The following SLC4A7 variants were observed in gnomAD, a reference collection of about 807,000 sequenced individuals.
The protein encoded by SLC4A7 is solute carrier family 4 member 7.
A neutral mutation model predicts 137.6 loss-of-function variants in SLC4A7; 51 were observed. The ratio of observed to expected loss-of-function variants is 0.37; its 90% CI spans 0.30 to 0.47. The LOEUF (loss-of-function observed/expected upper bound fraction) is 0.47, where lower values mean the gene tolerates loss of function less well. Ranked by LOEUF, SLC4A7 falls within the 20% of genes least tolerant of loss-of-function variation. The pLI, the probability that SLC4A7 is intolerant of heterozygous loss-of-function variation, is 1.00. For synonymous variants in SLC4A7, 542 were observed against 518.6 expected, an observed-to-expected ratio of 1.05 and a Z score of -0.61; for missense variants, 1,247 against 1,525.4, an observed-to-expected ratio of 0.82 and a Z score of 3.04.
intron 2 of SLC4A7, among the ~76,000 whole-genome samples, chr3:27,449,248 T>C (rs1022179936): frequency 6.6e-6 from 1 of 151,882 alleles, no homozygotes; most frequent in Non-Finnish European, 1.5e-5. Flanking sequence ...GAGATCATAC[T>C]ATGTAGACAT....
intron 1 of SLC4A7, among the ~76,000 whole-genome samples, chr3:27,475,724 G>A (rs1376921301): frequency 6.6e-6 from 1 of 152,120 alleles, no homozygotes; most frequent in Admixed American, 6.5e-5. Context: ...AATGGCATAT[G>A]CAAAAATGGA....
At chr3:27,479,049 T>C (rs577158259) in intron 1 of SLC4A7, among the ~76,000 whole-genome samples, 2 of 152,132 alleles carry the variant, frequency 1.3e-5, no homozygotes, top group South Asian at 4.1e-4. Flanking sequence ...AACCTGTCTG[T>C]ATTGGCATAT....
At chr3:27,434,156 T>C in intron 5 of SLC4A7, 52 bp from the exon 6 acceptor site, 2 of 1,360,850 alleles carry the variant, frequency 1.5e-6, no homozygotes, top group Non-Finnish European at 2.0e-6. Context: ...GACCATAATA[T>C]AGGAATAAAC....
intron 1 of SLC4A7, among the ~76,000 whole-genome samples, chr3:27,453,574 T>C (rs1189185957): frequency 1.3e-5 from 2 of 152,168 alleles, no homozygotes; most frequent in African/African-American, 4.8e-5. Flanking sequence ...GATCGTGCCA[T>C]TGCACTCCAG....
intron 1 of SLC4A7, among the ~76,000 whole-genome samples, chr3:27,468,851 TA>T (rs2059119244): frequency 6.6e-6 from 1 of 152,136 alleles, no homozygotes. Flanking sequence ...CTCATGCATA[TA>T]ATCCTAGCAT....
intron 7 of SLC4A7, chr3:27,424,546 A>G (rs1447661818): frequency 6.5e-6 from 1 of 154,064 alleles, no homozygotes; most frequent in African/African-American, 2.4e-5. Flanking sequence ...TGTACTTAGC[A>G]TGCTTTCAAC....
intron 1 of SLC4A7, among the ~76,000 whole-genome samples, chr3:27,474,329 AAC>A (rs1309802106): frequency 6.6e-6 from 1 of 152,224 alleles, no homozygotes; most frequent in Admixed American, 6.5e-5. Flanking sequence ...TCAATGATAA[AAC>A]AGTTAAACAC....
chr3:27,445,931 C>CAAA lies in SLC4A7; in HGVS notation c.289+2717_289+2719dup, dbSNP rs1164631983. Among the ~76,000 whole-genome samples the CAAA allele has an allele frequency of 1.9e-4, 11 of 58,516 alleles. 1 individual carries two copies. The highest frequency in any genetic ancestry group is 1.7e-3 in the Admixed American group (5 of 2,896). The allele number at this position is 58,516 out of a possible 152,430, so 38.4% of individuals were successfully genotyped here. The stretch of plus-strand genomic sequence containing the variant: ...TGGGTGAAAGAGAGAGGCTCAGTCT[C>CAAA]AAAAAAAAAAAAAAAAAAAAAAAAA... On this transcript the variant is annotated intron_variant, in intron 3 of 25. Coordinates refer to ENST00000454389, the MANE Select transcript of SLC4A7 (RefSeq NM_001321103.2).
chr3:27,382,169 G>C (rs147362964), intron 24 of SLC4A7, among the ~76,000 whole-genome samples: 13 of 152,100 alleles, frequency 8.5e-5, no homozygotes, highest in African/African-American at 2.9e-4. Context: ...GCCTAGGCTG[G>C]AGTGCACTGG....
intron 3 of SLC4A7, among the ~76,000 whole-genome samples, chr3:27,446,486 T>G (rs572157078): frequency 8.3e-4 from 127 of 152,276 alleles, no homozygotes; most frequent in African/African-American, 2.5e-3. Context: ...CCCCTATACT[T>G]AACACTTTTA....
intron 1 of SLC4A7, among the ~76,000 whole-genome samples, chr3:27,469,044 T>C (rs2059127390): frequency 6.6e-6 from 1 of 151,832 alleles, no homozygotes; most frequent in African/African-American, 2.4e-5. Flanking sequence ...GAAGCGGAGG[T>C]TGCAGTGAGC....
At chr3:27,416,235 A>G (rs935349941) in intron 11 of SLC4A7, among the ~76,000 whole-genome samples, 5 of 152,234 alleles carry the variant, frequency 3.3e-5, no homozygotes, top group Admixed American at 3.3e-4. Flanking sequence ...CATTTTACGC[A>G]TGTTAACTTG....
chr3:27,464,576 C>G (rs2058872342), intron 1 of SLC4A7, among the ~76,000 whole-genome samples: 2 of 151,974 alleles, frequency 1.3e-5, no homozygotes, highest in Non-Finnish European at 2.9e-5. Flanking sequence ...GGCGCCTTTA[C>G]CAGCTACTCG....
Position 27,375,977 on chromosome 3 carries a change from A to G in SLC4A7, c.*787T>C, listed in dbSNP as rs1324823555. 6.6e-6 allele frequency: 1 copy of G among 152,072 alleles called. No individual in the cohort carries two copies. Among genetic ancestry groups the G allele is most frequent in the Non-Finnish European group, 1.5e-5 (1 of 67,934 alleles). 9.4% of individuals were successfully genotyped at this position (152,072 alleles called of 1,614,324 possible). ...ACAGAGTGGGAATCATTGGCTTTAA[A>G]AGAGCATAAGGATTCAGAAAAAATA... On this transcript the variant is annotated 3_prime_UTR_variant, in exon 26 of 26. Coordinates refer to ENST00000454389, the MANE Select transcript of SLC4A7 (RefSeq NM_001321103.2).
chr3:27,448,266 G>A (rs1223252027), intron 3 of SLC4A7, among the ~76,000 whole-genome samples: 1 of 149,216 alleles, frequency 6.7e-6, no homozygotes, highest in Non-Finnish European at 1.5e-5. Flanking sequence ...TCACTTCCAT[G>A]ACAGCCTTAG....
intron 5 of SLC4A7, among the ~76,000 whole-genome samples, chr3:27,435,731 A>C (rs1243180907): frequency 1.3e-5 from 2 of 152,108 alleles, no homozygotes; most frequent in African/African-American, 2.4e-5. Flanking sequence ...GGTCCCAGCT[A>C]CTCAGTAGGT....
chr3:27,476,952 T>A (rs1455880859), intron 1 of SLC4A7, among the ~76,000 whole-genome samples: 1 of 152,158 alleles, frequency 6.6e-6, no homozygotes, highest in Non-Finnish European at 1.5e-5. Context: ...AATTTAGCAA[T>A]GAATGACCCA....
intron 3 of SLC4A7, among the ~76,000 whole-genome samples, chr3:27,443,179 T>C (rs2057350645): frequency 6.6e-6 from 1 of 151,794 alleles, no homozygotes; most frequent in African/African-American, 2.4e-5. Flanking sequence ...TACAGGAACG[T>C]GCCAAAACGC....
At chr3:27,451,318 T>TC (rs1199052868) in intron 2 of SLC4A7, among the ~76,000 whole-genome samples, 1 of 151,964 alleles carries the variant, frequency 6.6e-6, no homozygotes, top group Non-Finnish European at 1.5e-5. Flanking sequence ...CCTATAAACA[T>TC]CCCCCAAAAA....
Sources: gnomAD v4.1 joint callset for allele counts (sites outside exome capture counted in the v4.1 genomes callset) on GRCh38, gnomAD v4.1.1 for gene constraint, MANE v1.5 for transcripts, NCBI Gene and HGNC (gene_info 2026-07-23, HGNC 2026-07-21) for gene names.